Variants in ADAM22 observed in about 807,000 individuals in gnomAD.
The protein encoded by ADAM22 is disintegrin and metalloproteinase domain-containing protein 22.
A neutral mutation model predicts 144.6 loss-of-function variants in ADAM22; 65 were observed. The observed-to-expected ratio is 0.45, with a 90% CI of 0.37 to 0.55. The LOEUF is 0.55. Ranked by LOEUF, ADAM22 falls within the 20% of genes least tolerant of loss-of-function variation. The pLI, the probability that ADAM22 is intolerant of heterozygous loss-of-function variation, is 0.00. For synonymous variants in ADAM22, 391 were observed against 412.6 expected (o/e 0.95, Z 0.63); for missense variants, 974 against 1,184.9 (o/e 0.82, Z 2.61).
intron 3 of ADAM22, among the ~76,000 whole-genome samples, chr7:88,040,754 T>G (rs1243913635): frequency 6.6e-6 from 1 of 151,936 alleles, no homozygotes; most frequent in African/African-American, 2.4e-5. Context: ...GGTGTTGGCC[T>G]GTTTGCTTGT....
intron 11 of ADAM22, chr7:88,132,634 T>G (rs906399664): frequency 2.1e-5 from 8 of 386,626 alleles, no homozygotes; most frequent in Admixed American, 8.0e-5. Flanking sequence ...CAATTATTTT[T>G]TAATAGATAT....
intron 3 of ADAM22, among the ~76,000 whole-genome samples, chr7:88,041,187 C>T (rs1007595965): frequency 2.6e-5 from 4 of 151,964 alleles, no homozygotes; most frequent in East Asian, 1.9e-4. Context: ...GGTAACCCAT[C>T]GTATTTACAG....
rs148723714 is a variant in ADAM22 at position 88,057,956 on chromosome 7, A to T, written c.324-17670A>T. 2.5e-4 allele frequency among the ~76,000 whole-genome samples: 38 copies of T among 152,340 alleles called. 1 individual carries two copies. The East Asian group carries it at 7.1e-3, about 29-fold the overall frequency. On this transcript the variant is annotated intron_variant, in intron 3 of 31. Transcript: ENST00000413139. ...CCAGTAATTTTCCATCATAACGATT[A>T]TGTGCTCATGATAGAAAAACAAACA...
chr7:88,107,198 C>CTTTTTTTTTTTTTTT (rs561936408), intron 4 of ADAM22, among the ~76,000 whole-genome samples: 5 of 76,566 alleles, frequency 6.5e-5, no homozygotes, highest in Admixed American at 1.7e-4. Context: ...GATTGAATTT[C>CTTTTTTTTTTTTTTT]TTTTTTTTTT....
At chr7:88,188,809 G>A (rs1586629438) in intron 30 of ADAM22, among the ~76,000 whole-genome samples, 1 of 152,192 alleles carries the variant, frequency 6.6e-6, no homozygotes, top group East Asian at 1.9e-4. Context: ...TCTGTGGCCA[G>A]GTCATTCAGG....
Position 88,165,730 on chromosome 7 carries a change from A to G in ADAM22, c.2077-102A>G, listed in dbSNP as rs117729716. On this transcript the variant is annotated intron_variant, in intron 23 of 31. Coordinates refer to ENST00000413139, the MANE Select transcript of ADAM22 (RefSeq NM_001324418.2). Reference sequence around the variant, plus strand: ...AAGAACATACTAATAATTTTTTGGAATTACCACATTCTAAGCATATAATAA... The same window carrying G: ...AAGAACATACTAATAATTTTTTGGAGTTACCACATTCTAAGCATATAATAA... 283 of 706,074 alleles carry G rather than the reference A, an allele frequency of 4.0e-4. 1 individual carries two copies. Among genetic ancestry groups the G allele is most frequent in the Non-Finnish European group, 5.9e-4 (261 of 445,220 alleles). The allele number at this position is 706,074 out of a possible 1,614,324, so 43.7% of individuals were successfully genotyped here.
intron 26 of ADAM22, among the ~76,000 whole-genome samples, chr7:88,177,144 T>G (rs539307466): frequency 6.6e-6 from 1 of 152,344 alleles, no homozygotes; most frequent in South Asian, 2.1e-4. Flanking sequence ...TAGTGATAAA[T>G]GGGATTTGTT....
intron 3 of ADAM22, among the ~76,000 whole-genome samples, chr7:88,056,554 A>G (rs993439900): frequency 3.3e-5 from 5 of 152,186 alleles, no homozygotes; most frequent in Non-Finnish European, 5.9e-5. Flanking sequence ...GAGGAATACA[A>G]TGGTTCATCA....
At chr7:88,076,425 C>T (rs1025706623) in intron 4 of ADAM22, among the ~76,000 whole-genome samples, 5 of 152,218 alleles carry the variant, frequency 3.3e-5, no homozygotes, top group South Asian at 2.1e-4. Context: ...TAATGTTACC[C>T]CTGAGAACCA....
At position 88,198,902 on chromosome 7, in the gene ADAM22, T is replaced by A. The variant is rs1473590638; in HGVS notation, c.*2411T>A. On this transcript the variant is annotated 3_prime_UTR_variant, in exon 32 of 32. Coordinates refer to ENST00000413139, the MANE Select transcript of ADAM22 (RefSeq NM_001324418.2). ...CTGTGGAACTGACTAAAAATTTTTG[T>A]TTTATTTGTAGAGATTATGATTTGA... is the stretch of plus-strand genomic sequence containing the variant. The A allele has an allele frequency of 6.6e-6, 1 of 152,184 alleles. No individual in the cohort carries two copies. Among genetic ancestry groups the A allele is most frequent in the African/African-American group, 2.4e-5 (1 of 41,450 alleles). 9.4% of individuals were successfully genotyped at this position (152,184 alleles called of 1,614,324 possible). A position where few individuals can be genotyped will look rare whatever the true frequency, so the allele number is the denominator to read the frequency against.
chr7:88,080,978 C>A (rs1327052962), intron 4 of ADAM22, among the ~76,000 whole-genome samples: 4 of 152,100 alleles, frequency 2.6e-5, no homozygotes, highest in Admixed American at 2.6e-4. Flanking sequence ...GGAATCCTCC[C>A]TAACTCATTT....
intron 3 of ADAM22, among the ~76,000 whole-genome samples, chr7:88,022,770 T>C (rs1464500689): frequency 3.3e-5 from 5 of 152,238 alleles, no homozygotes; most frequent in Non-Finnish European, 5.9e-5. Context: ...TCCGGCTTTA[T>C]ATTTATATAC....
At chr7:87,999,510 C>T (rs1792030330) in intron 3 of ADAM22, among the ~76,000 whole-genome samples, 1 of 152,188 alleles carries the variant, frequency 6.6e-6, no homozygotes, top group Non-Finnish European at 1.5e-5. Context: ...TTTCTCTATT[C>T]ATCGAAGAAT....
At chr7:87,934,645 C>A in intron 1 of ADAM22, 95 bp downstream of exon 1, 2 of 1,183,754 alleles carry the variant, frequency 1.7e-6, no homozygotes, top group South Asian at 1.5e-5. Flanking sequence ...CCCCATTTCC[C>A]GAGTGCGCGG....
chr7:88,180,991 A>G (rs968507417), intron 27 of ADAM22, among the ~76,000 whole-genome samples: 2 of 152,164 alleles, frequency 1.3e-5, no homozygotes, highest in East Asian at 1.9e-4. Context: ...AAAAATGCCA[A>G]TTCTTAGAAA....
At chr7:88,151,435 G>C in intron 20 of ADAM22, 115 bp downstream of exon 20, 1 of 1,168,112 alleles carries the variant, frequency 8.6e-7, no homozygotes, top group Non-Finnish European at 1.3e-6. Flanking sequence ...GATTCTCAAA[G>C]CTACCACAGG....
intron 17 of ADAM22, among the ~76,000 whole-genome samples, chr7:88,147,535 A>T (rs1836883468): frequency 6.6e-6 from 1 of 152,222 alleles, no homozygotes; most frequent in East Asian, 1.9e-4. Context: ...ATAAAACTTT[A>T]TTTATAAAGA....
chr7:88,172,590 T>A (rs900031769), intron 26 of ADAM22, among the ~76,000 whole-genome samples: 8 of 152,094 alleles, frequency 5.3e-5, no homozygotes, highest in African/African-American at 1.9e-4. Context: ...TACTCTTTTT[T>A]AAATAAATTA....
chr7:88,004,339 A>G (rs779624379), intron 3 of ADAM22, among the ~76,000 whole-genome samples: 6 of 152,204 alleles, frequency 3.9e-5, no homozygotes, highest in Non-Finnish European at 8.8e-5. Flanking sequence ...TAGTTAGGGG[A>G]ATAAGGCTCA....
Sources: allele counts gnomAD v4.1 joint callset (sites outside exome capture counted in the v4.1 genomes callset), GRCh38; gene constraint gnomAD v4.1.1; transcripts MANE v1.5; gene names NCBI Gene and HGNC (gene_info 2026-07-23, HGNC 2026-07-21).